Variants in PCDHA3 observed in about 807,000 individuals in gnomAD.
PCDHA3 encodes the protein protocadherin alpha 3, also known as protocadherin alpha-3.
Under a neutral mutation model 62.2 loss-of-function variants are expected in PCDHA3, and 41 were observed. That is an observed-to-expected ratio of 0.66 (90% CI 0.51 to 0.86). PCDHA3 has a LOEUF of 0.86. Among genes scored for constraint, PCDHA3 ranks in the 40% least tolerant of loss-of-function variants. The pLI is 0.00. For missense variants in PCDHA3, 1,304 were observed against 1,241.2 expected, an observed-to-expected ratio of 1.05 and a Z score of -0.76; for synonymous variants, 640 against 555.4, an observed-to-expected ratio of 1.15 and a Z score of -2.14.
At chr5:140,967,643 A>G in intron 1 of PCDHA3, 1 of 1,614,164 alleles carries the variant, frequency 6.2e-7, no homozygotes, top group East Asian at 2.2e-5. Flanking sequence ...TGGTGAGCTC[A>G]GGTACTCCTT....
intron 1 of PCDHA3, chr5:140,828,530 C>T: frequency 3.1e-6 from 5 of 1,614,226 alleles, no homozygotes; most frequent in Non-Finnish European, 4.2e-6. Flanking sequence ...CGAATCTAGG[C>T]TGCCAGATTC....
intron 1 of PCDHA3, among the ~76,000 whole-genome samples, chr5:140,954,333 G>C (rs1554221356): frequency 1.3e-5 from 2 of 152,140 alleles, no homozygotes; most frequent in African/African-American, 4.8e-5. Flanking sequence ...TGGTATTTCT[G>C]CCTCTAGATC....
In PCDHA3 at chr5:140,845,149, T is replaced by C. The variant is rs1779719048; in HGVS notation, c.2394+41558T>C. On this transcript the variant is annotated intron_variant, in intron 1 of 3. Coordinates refer to ENST00000522353, the MANE Select transcript of PCDHA3 (RefSeq NM_018906.3). ...TTTATTTGACTATTTGAACACATTGTGTAAAAGCGAATTGTTTTCATTTTA... is the reference window on the plus strand; with the variant it reads ...TTTATTTGACTATTTGAACACATTGCGTAAAAGCGAATTGTTTTCATTTTA... 1.3e-5 allele frequency among the ~76,000 whole-genome samples: 2 copies of C among 149,682 alleles called. 1 individual carries two copies. The highest frequency in any genetic ancestry group is 1.3e-4 in the Admixed American group (2 of 14,942).
intron 1 of PCDHA3, chr5:140,808,439 G>T: frequency 6.2e-7 from 1 of 1,614,184 alleles, no homozygotes; most frequent in Non-Finnish European, 8.5e-7. Flanking sequence ...CCGCGAGAGC[G>T]TGTCAGCCTA....
intron 3 of PCDHA3, among the ~76,000 whole-genome samples, chr5:141,004,580 A>G (rs782539696): frequency 5.3e-5 from 8 of 152,222 alleles, no homozygotes; most frequent in Non-Finnish European, 1.2e-4. Context: ...TGTGTTCTGC[A>G]TCTCCAGATG....
rs782061977 is a variant in PCDHA3 at position 140,870,205 on chromosome 5, A to C, written c.2394+66614A>C. 2.5e-6 allele frequency: 4 copies of C among 1,614,148 alleles called. No homozygotes were observed. The South Asian group carries it at 4.4e-5, about 18-fold the overall frequency. On this transcript the variant is annotated intron_variant, in intron 1 of 3. Transcript: ENST00000522353. Reference sequence around the variant, plus strand: ...AGAGGACGCTCAGCCCAGCACGGTCATTGCCCTGATCAGCGTGTCTGACCG... The same window carrying C: ...AGAGGACGCTCAGCCCAGCACGGTCCTTGCCCTGATCAGCGTGTCTGACCG...
Position 140,841,931 on chromosome 5 carries a change from G to T in PCDHA3, c.2394+38340G>T, listed in dbSNP as rs1554138650. ...ATTAAGAAAATCCTTGGACAGAGAG[G>T]ACGCTCCTGCGCACCACTTATTCCT... On this transcript the variant is annotated intron_variant, in intron 1 of 3. Coordinates refer to ENST00000522353, the MANE Select transcript of PCDHA3 (RefSeq NM_018906.3). The T allele has an allele frequency of 4.3e-6, 7 of 1,613,782 alleles. No homozygotes were observed. In the African/African-American group the frequency reaches 9.4e-5, roughly 22 times the overall value.
chr5:140,826,336 T>C (rs1768901629), intron 1 of PCDHA3, among the ~76,000 whole-genome samples: 1 of 152,166 alleles, frequency 6.6e-6, no homozygotes, highest in African/African-American at 2.4e-5. Flanking sequence ...GTTAAGAAAT[T>C]GAACCCTTTG....
At chr5:140,827,991 T>A (rs1173902795) in intron 1 of PCDHA3, 2 of 1,469,000 alleles carry the variant, frequency 1.4e-6, no homozygotes, top group African/African-American at 1.4e-5. Flanking sequence ...TGTTGAATGA[T>A]GGCGGACGCA....
intron 1 of PCDHA3, among the ~76,000 whole-genome samples, chr5:140,935,656 CTTTTA>C (rs1300447387): frequency 6.6e-6 from 1 of 151,868 alleles, no homozygotes; most frequent in African/African-American, 2.4e-5. Context: ...TTTTAATTTT[CTTTTA>C]TAATTATGTG....
chr5:140,838,125 T>C (rs1775553938), intron 1 of PCDHA3, among the ~76,000 whole-genome samples: 1 of 145,318 alleles, frequency 6.9e-6, no homozygotes, highest in Non-Finnish European at 1.5e-5. Flanking sequence ...TGTGTGTGTG[T>C]GTGTGTTTGA....
chr5:140,932,750 GGAAA>G (rs1554209054), intron 1 of PCDHA3, among the ~76,000 whole-genome samples: 1 of 151,518 alleles, frequency 6.6e-6, no homozygotes, highest in Non-Finnish European at 1.5e-5. Flanking sequence ...TCAGTAAAAA[GGAAA>G]GAAAAAGAAC....
At chr5:140,950,065 G>A (rs1403260430) in intron 1 of PCDHA3, among the ~76,000 whole-genome samples, 1 of 151,574 alleles carries the variant, frequency 6.6e-6, no homozygotes, top group Non-Finnish European at 1.5e-5. Context: ...AGCTCTTCCT[G>A]TGCCATTGCT....
chr5:140,897,052 C>G (rs2065858358), intron 1 of PCDHA3, among the ~76,000 whole-genome samples: 1 of 152,114 alleles, frequency 6.6e-6, no homozygotes, highest in Non-Finnish European at 1.5e-5. Context: ...ATTCTGCTGT[C>G]AAATACTATG....
Position 140,963,600 on chromosome 5 carries a change from G to A in PCDHA3, c.2395-15349G>A, listed in dbSNP as rs111244023. Among the ~76,000 whole-genome samples, 12 of 152,298 alleles carry A rather than the reference G, an allele frequency of 7.9e-5. No homozygotes were observed. In the South Asian group the frequency reaches 1.7e-3, roughly 21 times the overall value. ...CAAAATGTAGGATATAGTTCTAGAC[G>A]TAATTGGGAAAGCTTAACTTTGTTG... On this transcript the variant is annotated intron_variant, in intron 1 of 3. Transcript: ENST00000522353.
chr5:140,809,233 G>C, intron 1 of PCDHA3: 1 of 1,614,102 alleles, frequency 6.2e-7, no homozygotes, highest in Non-Finnish European at 8.5e-7. Context: ...CCTCACGGGC[G>C]TTGGTGGGCG....
intron 1 of PCDHA3, chr5:140,930,231 A>C (rs1234850185): frequency 6.6e-6 from 1 of 152,238 alleles, no homozygotes; most frequent in South Asian, 2.1e-4. Context: ...TGCACTTACC[A>C]TCCAAAGTCC....
intron 1 of PCDHA3, chr5:140,829,124 G>T: frequency 6.2e-7 from 1 of 1,612,286 alleles, no homozygotes; most frequent in East Asian, 2.2e-5. Flanking sequence ...GGATAAAAAT[G>T]ATAACGTCCC....
intron 1 of PCDHA3, among the ~76,000 whole-genome samples, chr5:140,846,739 C>A (rs1314749505): frequency 8.0e-5 from 12 of 149,210 alleles, no homozygotes; most frequent in Non-Finnish European, 6.0e-5. Context: ...TTAAATAGGA[C>A]CCTTACAGAT....
Sources: gnomAD v4.1 joint callset for allele counts (sites outside exome capture counted in the v4.1 genomes callset) on GRCh38, gnomAD v4.1.1 for gene constraint, MANE v1.5 for transcripts, NCBI Gene and HGNC (gene_info 2026-07-23, HGNC 2026-07-21) for gene names.